Variants in AFG2A observed in about 807,000 individuals in gnomAD.
AFG2A encodes the protein ATPase family gene 2 protein homolog A.
chr4:123,165,615 AT>A, the AFG2A span, among the ~76,000 whole-genome samples: 366 of 152,222 alleles, frequency 2.4e-3, 3 homozygotes, highest in African/African-American at 8.3e-3. Context: ...TTTTAAAAAT[AT>A]GGCTACTCAT....
At chr4:123,171,719 A>C in the AFG2A span, among the ~76,000 whole-genome samples, 1 of 152,146 alleles carries the variant, frequency 6.6e-6, no homozygotes, top group Admixed American at 6.6e-5. Context: ...GAAAGCTCTC[A>C]ATATTTAAAT....
the AFG2A span, among the ~76,000 whole-genome samples, chr4:123,204,494 C>T: frequency 6.6e-6 from 1 of 152,180 alleles, no homozygotes; most frequent in African/African-American, 2.4e-5. Flanking sequence ...CTTTGCCATA[C>T]ATATTTCTTC....
At chr4:122,973,812 G>A in the AFG2A span, among the ~76,000 whole-genome samples, 1 of 152,206 alleles carries the variant, frequency 6.6e-6, no homozygotes, top group East Asian at 1.9e-4. Context: ...CGTGTAGCTA[G>A]GACTATAGGC....
At chr4:123,253,329 A>G in the AFG2A span, among the ~76,000 whole-genome samples, 1 of 152,112 alleles carries the variant, frequency 6.6e-6, no homozygotes, top group Non-Finnish European at 1.5e-5. Flanking sequence ...CTAAAAATAC[A>G]AAAAATTAGC....
chr4:123,281,481 GT>G, the AFG2A span, among the ~76,000 whole-genome samples: 2 of 152,188 alleles, frequency 1.3e-5, no homozygotes, highest in African/African-American at 4.8e-5. Flanking sequence ...GTTGTCAGAT[GT>G]TGGAGTTTAG....
the AFG2A span, among the ~76,000 whole-genome samples, chr4:122,945,621 C>T: frequency 1.3e-5 from 2 of 152,218 alleles, no homozygotes; most frequent in African/African-American, 4.8e-5. Context: ...CCTCACCCTG[C>T]TTCGGCTCGC....
chr4:123,227,202 C>T, the AFG2A span, among the ~76,000 whole-genome samples: 2 of 151,982 alleles, frequency 1.3e-5, no homozygotes, highest in African/African-American at 4.8e-5. Flanking sequence ...TTTTGTGTGT[C>T]TATTTCCTTC....
chr4:123,251,724 T>C, the AFG2A span, among the ~76,000 whole-genome samples: 1 of 152,124 alleles, frequency 6.6e-6, no homozygotes, highest in Non-Finnish European at 1.5e-5. Context: ...GTATTTGTTT[T>C]AGGTAGAAAG....
At chr4:122,944,210 T>G in the AFG2A span, among the ~76,000 whole-genome samples, 3 of 152,208 alleles carry the variant, frequency 2.0e-5, no homozygotes, top group Non-Finnish European at 4.4e-5. Context: ...AAGTTCTCTT[T>G]GATAATATCC....
the AFG2A span, among the ~76,000 whole-genome samples, chr4:123,087,335 G>A: frequency 6.6e-6 from 1 of 152,074 alleles, no homozygotes; most frequent in South Asian, 2.1e-4. Flanking sequence ...AGATGGAGCT[G>A]GAGTTTTTTA....
chr4:123,207,992 A>G, the AFG2A span, among the ~76,000 whole-genome samples: 1 of 152,150 alleles, frequency 6.6e-6, no homozygotes, highest in Admixed American at 6.5e-5. Context: ...GAAAAAGAAC[A>G]CAGCTGAAGG....
the AFG2A span, among the ~76,000 whole-genome samples, chr4:122,947,846 G>T: frequency 2.0e-4 from 30 of 152,112 alleles, no homozygotes; most frequent in African/African-American, 7.2e-4. Flanking sequence ...AAAAAATATA[G>T]TATCACAACT....
At chr4:122,960,001 G>A in the AFG2A span, among the ~76,000 whole-genome samples, 1 of 152,118 alleles carries the variant, frequency 6.6e-6, no homozygotes, top group Non-Finnish European at 1.5e-5. Context: ...ATTTTCAAAA[G>A]TTATATTTTC....
the AFG2A span, among the ~76,000 whole-genome samples, chr4:123,259,288 G>T: frequency 5.3e-5 from 8 of 152,328 alleles, no homozygotes; most frequent in East Asian, 1.5e-3. Context: ...CTCAGTGTTT[G>T]AAATAGCTCC....
chr4:123,266,557 G>A, the AFG2A span, among the ~76,000 whole-genome samples: 13 of 151,656 alleles, frequency 8.6e-5, no homozygotes, highest in Non-Finnish European at 1.3e-4. Flanking sequence ...TTTTAATGGT[G>A]TGTTCTTTAA....
At chr4:123,078,477 C>T in the AFG2A span, among the ~76,000 whole-genome samples, 1 of 152,142 alleles carries the variant, frequency 6.6e-6, no homozygotes, top group African/African-American at 2.4e-5. Flanking sequence ...TTAATAATAG[C>T]TAGTCAGTGT....
chr4:123,173,597 G>A, the AFG2A span, among the ~76,000 whole-genome samples: 3 of 151,742 alleles, frequency 2.0e-5, no homozygotes, highest in East Asian at 1.9e-4. Context: ...CTCATGATCC[G>A]CCTGTCTCAG....
At chr4:123,040,786 T>C in the AFG2A span, among the ~76,000 whole-genome samples, 1 of 152,160 alleles carries the variant, frequency 6.6e-6, no homozygotes, top group Non-Finnish European at 1.5e-5. Context: ...TTTAAAAAAT[T>C]GAGATATGGA....
At chr4:123,007,495 A>T in the AFG2A span, among the ~76,000 whole-genome samples, 1 of 144,188 alleles carries the variant, frequency 6.9e-6, no homozygotes, top group East Asian at 2.1e-4. Flanking sequence ...GAGCTGTTTT[A>T]TTCTTCTTTC....
Sources: gnomAD v4.1 joint callset for allele counts (sites outside exome capture counted in the v4.1 genomes callset) on GRCh38, gnomAD v4.1.1 for gene constraint, MANE v1.5 for transcripts, NCBI Gene and HGNC (gene_info 2026-07-23, HGNC 2026-07-21) for gene names.